The following FASN variants were observed in gnomAD, a reference collection of about 807,000 sequenced individuals.
FASN encodes the protein fatty acid synthase, also known as 3-hydroxyacyl-[acyl-carrier-protein] dehydratase.
A neutral mutation model predicts 250.0 loss-of-function variants in FASN; 50 were observed. The ratio of observed to expected loss-of-function variants is 0.20; its 90% confidence interval spans 0.16 to 0.25. The LOEUF (loss-of-function observed/expected upper bound fraction) is 0.25, where lower values mean the gene tolerates loss of function less well. Among genes scored for constraint, FASN ranks in the 10% least tolerant of loss-of-function variants. The pLI is 1.00. For missense variants in FASN, 3,031 were observed against 3,498.5 expected, an observed-to-expected ratio of 0.87 and a Z score of 3.37; for synonymous variants, 1,909 against 1,584.0, an observed-to-expected ratio of 1.21 and a Z score of -4.87.
At position 82,092,460 on chromosome 17, in the gene FASN, C is replaced by A. The variant is rs760665615; in HGVS notation, c.1024G>T (p.Ala342Ser). The change falls in exon 8 of 43, where the codon GCC (alanine) becomes TCC (serine). Residue 342 changes from alanine (A) to serine (S), a missense_variant. By Grantham distance (99) the Ala-to-Ser change is moderately conservative. Transcript: ENST00000306749. ...PEPASGLAAL[A>S]KVLLSLEHGL... is the part of the protein sequence containing the mutation. ...CCAAGCCCAGCCCCACCTACCTTGG[C>A]CAGGGCTGCCAGCCCCGAGGCTGGC... The A allele has an allele frequency of 2.7e-5, 43 of 1,572,290 alleles. No homozygotes were observed. The Admixed American group carries it at 2.8e-4, about 10-fold the overall frequency.
chr17:82,090,476 G>A lies in FASN; in HGVS notation c.1769C>T (p.Ala590Val), dbSNP rs983262732. 63 of 1,608,934 alleles carry A rather than the reference G, an allele frequency of 3.9e-5. No individual in the cohort carries two copies. Among genetic ancestry groups the A allele is most frequent in the Non-Finnish European group, 5.3e-5 (63 of 1,178,590 alleles). The change falls in exon 11 of 43, where the codon GCC (alanine) becomes GTC (valine). Residue 590 changes from alanine (A) to valine (V), a missense_variant. Ala to Val is a moderately conservative substitution (Grantham distance 64). Transcript: ENST00000306749. Reference sequence around the variant, plus strand: ...CTCCTCCTGGGACAGGCAGCCGTCGGCGTAGCCACAGGCCACCTCCCCCAG... The same window carrying A: ...CTCCTCCTGGGACAGGCAGCCGTCGACGTAGCCACAGGCCACCTCCCCCAG... ...HSLGEVACGY[A>V]DGCLSQEEAV...
chr17:82,095,299 A>T (rs1157373440), intron 3 of FASN, 21 bp downstream of exon 3: 1 of 1,612,234 alleles, frequency 6.2e-7, no homozygotes, highest in Non-Finnish European at 8.5e-7. Context: ...TCGGCGCAGC[A>T]GTCGCGAATG....
In FASN at chr17:82,084,711, G is replaced by T. The variant is rs560967593; in HGVS notation, c.4570C>A (p.Pro1524Thr). 5 of 1,560,948 alleles carry T rather than the reference G, an allele frequency of 3.2e-6. No homozygotes were observed. In the South Asian group the frequency reaches 5.9e-5, roughly 18 times the overall value. Residue 1524 changes from proline (P) to threonine (T), a missense_variant, in exon 27 of 43, where the codon CCT becomes ACT. Coordinates refer to ENST00000306749, the MANE Select transcript of FASN (RefSeq NM_004104.5). ...AAGGCATGTGCCGTCGGCTCCTCAG[G>T]CTTGTCTAGGGAAACAGGGAGGTGG... ...FRHFLLEEDK[P>T]EEPTAHAFVS... is the part of the protein sequence containing the mutation.
At chr17:82,096,287 C>T in intron 2 of FASN, 32 bp downstream of exon 2, 1 of 1,609,836 alleles carries the variant, frequency 6.2e-7, no homozygotes. Context: ...GAGCTTCACA[C>T]CCCAGGCACG....
Position 82,084,812 on chromosome 17 carries a change from G to T in FASN, c.4551C>A (p.Phe1517Leu). The change falls in exon 26 of 43, where the codon TTC becomes TTA. Residue 1517 changes from phenylalanine (F) to leucine (L), a missense_variant. Phe to Leu is a conservative substitution (Grantham distance 22). Coordinates refer to ENST00000306749, the MANE Select transcript of FASN (RefSeq NM_004104.5). The stretch of plus-strand genomic sequence containing the variant: ...TCGGGGGCTCACCCTCCTCCAGCAG[G>T]AAGTGGCGGAAAGCCCCCCAGGCCC... ...RDGAWGAFRH[F>L]LLEEDKPEEP... The T allele has an allele frequency of 3.2e-6, 5 of 1,550,288 alleles. No homozygotes were observed. Among genetic ancestry groups the T allele is most frequent in the Non-Finnish European group, 4.4e-6 (5 of 1,146,970 alleles).
rs759153870 is a variant in FASN at position 82,088,155 on chromosome 17, C to T, written c.2746G>A (p.Asp916Asn). The T allele has an allele frequency of 3.1e-6, 5 of 1,612,824 alleles. No homozygotes were observed. Among genetic ancestry groups the T allele is most frequent in the East Asian group, 4.5e-5 (2 of 44,884 alleles). ...ATGGTGGCCTGGTGCAGCACCACAT[C>T]CTCAAACACCACAGGCAGCTGCTCG... ...GVEQLPVVFE[D>N]VVLHQATILP... is the part of the protein sequence containing the mutation. Residue 916 changes from aspartate to asparagine, a missense_variant, in exon 17 of 43, where the codon GAT becomes AAT. Physicochemically the swap from Asp to Asn is conservative, Grantham distance 23. Coordinates refer to ENST00000306749, the MANE Select transcript of FASN (RefSeq NM_004104.5).
In FASN at chr17:82,085,891, G is replaced by C. The variant is rs763158509; in HGVS notation, c.3733-20C>G. 2.0e-6 allele frequency: 3 copies of C among 1,519,138 alleles called. No individual in the cohort carries two copies. The highest frequency in any genetic ancestry group is 2.4e-5 in the East Asian group (1 of 41,134). 94.1% of individuals were successfully genotyped at this position (1,519,138 alleles called of 1,614,324 possible). ...CAGCACCTGTAGGGGGTGAATTCTGGAATCAGCCCCACACCAGGCAGGTGC... is the reference window on the plus strand; with the variant it reads ...CAGCACCTGTAGGGGGTGAATTCTGCAATCAGCCCCACACCAGGCAGGTGC... On this transcript the variant is annotated intron_variant, in intron 22 of 42. Coordinates refer to ENST00000306749, the MANE Select transcript of FASN (RefSeq NM_004104.5).
At position 82,086,485 on chromosome 17, in the gene FASN, G is replaced by A; in HGVS notation, c.3501C>T (p.Ala1167=). The part of the protein sequence containing the change: ...LKMVVPGLDG[A]QIPRDPSQQE... ...GCTGTGAGGGGTCCCGGGGGATCTG[G>A]GCCCCATCCAGTCCGGGCACCACCA... is the stretch of plus-strand genomic sequence containing the variant. The change falls in exon 22 of 43, where the codon GCC becomes GCT. Residue 1167 remains alanine (A), a synonymous_variant. Coordinates refer to ENST00000306749, the MANE Select transcript of FASN (RefSeq NM_004104.5). 1.2e-6 allele frequency: 2 copies of A among 1,612,534 alleles called. No homozygotes were observed.
chr17:82,085,869 C>T lies in FASN; in HGVS notation c.3735G>A (p.Val1245=), dbSNP rs775646122. The T allele has an allele frequency of 1.2e-5, 18 of 1,535,128 alleles. No individual in the cohort carries two copies. The highest frequency in any genetic ancestry group is 1.4e-5 in the Non-Finnish European group (16 of 1,145,368). Residue 1245 remains valine, a splice_region_variant and synonymous_variant, in exon 23 of 43, where the codon GTG becomes GTA. Transcript: ENST00000306749. ...AATACAGGTGACCGTGGCCAGCCAG[C>T]ACCTGTAGGGGGTGAATTCTGGAAT... ...MPSLKMKVVE[V]LAGHGHLYSR...
chr17:82,085,476 C>A lies in FASN; in HGVS notation c.4122+6G>T, dbSNP rs1347146537. The stretch of plus-strand genomic sequence containing the variant: ...CCCACCCTGTCCCCCTGCCCGGCGG[C>A]CGCACCTGGCTCAGGATGCCCTGGC... On this transcript the variant is annotated splice_donor_region_variant and intron_variant, in intron 23 of 42. Transcript: ENST00000306749. The A allele has an allele frequency of 1.3e-6, 2 of 1,588,814 alleles. No homozygotes were observed. The highest frequency in any genetic ancestry group is 2.3e-5 in the South Asian group (2 of 87,750).
intron 41 of FASN, chr17:82,079,892 G>A (rs1598571752): frequency 1.6e-6 from 1 of 626,142 alleles, no homozygotes; most frequent in East Asian, 2.8e-5. Flanking sequence ...ATTTTTAGTA[G>A]AGAAGGGGTT....
At position 82,088,252 on chromosome 17, in the gene FASN, G is replaced by A. The variant is rs200281530; in HGVS notation, c.2649C>T (p.Arg883=). The A allele has an allele frequency of 6.2e-5, 99 of 1,607,198 alleles. No homozygotes were observed. The East Asian group carries it at 2.0e-3, about 32-fold the overall frequency. Residue 883 remains arginine, a synonymous_variant, in exon 17 of 43, where the codon CGC becomes CGT. Coordinates refer to ENST00000306749, the MANE Select transcript of FASN (RefSeq NM_004104.5). ...GGTAGCCAGTGGCGGGGAAGAGGAC[G>A]CGACCGTCGAGGGTGTGGTCCACCA... ...HYLVDHTLDG[R]VLFPATGYLS...
chr17:82,097,222 G>T (rs1338003927), intron 1 of FASN: 1 of 153,218 alleles, frequency 6.5e-6, no homozygotes, highest in Non-Finnish European at 1.5e-5. Context: ...TCACCTGCGC[G>T]GGTGAACCCA....
Position 82,083,886 on chromosome 17 carries a change from C to A in FASN, c.5104G>T (p.Ala1702Ser), listed in dbSNP as rs1045946649. 1.3e-6 allele frequency: 2 copies of A among 1,566,430 alleles called. No individual in the cohort carries two copies. The highest frequency in any genetic ancestry group is 1.3e-5 in the African/African-American group (1 of 74,530). The change falls in exon 30 of 43, where the codon GCT becomes TCT. Residue 1702 changes from alanine (A) to serine (S), a missense_variant. Transcript: ENST00000306749. ...GCRVFTTVGS[A>S]EKRAYLQARF... ...GCCTGGAGGTACGCCCGCTTCTCAGCCGACCCTGGTGAAGAGAGGAAGCGC... is the reference window on the plus strand; with the variant it reads ...GCCTGGAGGTACGCCCGCTTCTCAGACGACCCTGGTGAAGAGAGGAAGCGC...
At chr17:82,091,865 G>A (rs1038071764) in intron 8 of FASN, among the ~76,000 whole-genome samples, 181 bp from the exon 9 acceptor site, 2 of 152,170 alleles carry the variant, frequency 1.3e-5, no homozygotes, top group Non-Finnish European at 2.9e-5. Flanking sequence ...AGCCGCCATG[G>A]CCCTGCCCTC....
chr17:82,082,837 T>TG (rs2034015232), intron 33 of FASN, 77 bp downstream of exon 33: 5 of 1,575,984 alleles, frequency 3.2e-6, no homozygotes, highest in Non-Finnish European at 4.3e-6. Context: ...CCCACAATGG[T>TG]GGGCTGCAGA....
Position 82,083,834 on chromosome 17 carries a change from C to T in FASN, c.5156G>A (p.Ser1719Asn), listed in dbSNP as rs1024972645. Reference protein sequence around the residue: ...QARFPQLDSTSFANSRDTSFE... With the variant: ...QARFPQLDSTNFANSRDTSFE... ...GGATGTGTCCCGGGAGTTGGCGAAG[C>T]TGGTGCTGTCGAGCTGGGGGAACCT... The change falls in exon 30 of 43, where the codon AGC becomes AAC. Residue 1719 changes from serine (S) to asparagine (N), a missense_variant. Coordinates refer to ENST00000306749, the MANE Select transcript of FASN (RefSeq NM_004104.5). 4.4e-6 allele frequency: 7 copies of T among 1,602,894 alleles called. No individual in the cohort carries two copies. In the Admixed American group the frequency reaches 1.0e-4, roughly 24 times the overall value.
At position 82,084,912 on chromosome 17, in the gene FASN, G is replaced by A. The variant is rs547076440; in HGVS notation, c.4451C>T (p.Pro1484Leu). The A allele has an allele frequency of 7.9e-5, 123 of 1,552,312 alleles. 1 individual carries two copies. The East Asian group carries it at 1.2e-3, about 16-fold the overall frequency. ...TTCTGCGGAGCCCGGGTCCACCTCC[G>A]GGACGTGGGAGGTGCTGCTGAGGTT... The part of the protein sequence containing the change: ...LSNLSSTSHV[P>L]EVDPGSAELQ... Residue 1484 changes from proline (P) to leucine (L), a missense_variant, in exon 26 of 43, where the codon CCG (proline) becomes CTG (leucine). Pro to Leu is a moderately conservative substitution (Grantham distance 98). Coordinates refer to ENST00000306749, the MANE Select transcript of FASN (RefSeq NM_004104.5).
intron 25 of FASN, 33 bp downstream of exon 25, chr17:82,085,002 G>A: frequency 6.3e-7 from 1 of 1,589,166 alleles, no homozygotes. Context: ...AGGCTGGTGG[G>A]GAAGGGGAAG....
Sources: allele counts gnomAD v4.1 joint callset (sites outside exome capture counted in the v4.1 genomes callset), GRCh38; gene constraint gnomAD v4.1.1; transcripts MANE v1.5; gene names NCBI Gene and HGNC (gene_info 2026-07-23, HGNC 2026-07-21).